Variants in ESYT1 observed in about 807,000 individuals in gnomAD.
ESYT1 encodes extended synaptotagmin 1, also known as extended synaptotagmin-1.
In ESYT1, 116 loss-of-function variants were observed where a neutral mutation model predicts 154.2. The observed-to-expected ratio is 0.75, with a 90% CI of 0.65 to 0.88. ESYT1 has a LOEUF of 0.88. ESYT1 is among the 40% of genes least tolerant of loss of function. ESYT1 has a pLI of 0.00. For missense variants in ESYT1, 1,264 were observed against 1,379.3 expected (o/e 0.92, Z 1.32); for synonymous variants, 500 against 539.9 (o/e 0.93, Z 1.02).
chr12:56,137,393 G>A lies in ESYT1; in HGVS notation c.1938+20G>A, dbSNP rs748489975. The A allele has an allele frequency of 1.2e-6, 2 of 1,614,070 alleles. No homozygotes were observed. Among genetic ancestry groups the A allele is most frequent in the South Asian group, 1.1e-5 (1 of 91,066 alleles). ...ACTGAGGTGAGTCTATATCTGGAAA[G>A]GACTAGGGTCTGTTTGCCCCGCTAA... On this transcript the variant is annotated intron_variant, in intron 17 of 30. Transcript: ENST00000394048.
In ESYT1 at chr12:56,142,675, C is replaced by T; in HGVS notation, c.2831C>T (p.Pro944Leu). 4 of 1,614,092 alleles carry T rather than the reference C, an allele frequency of 2.5e-6. No homozygotes were observed. Among genetic ancestry groups the T allele is most frequent in the Non-Finnish European group, 2.5e-6 (3 of 1,180,046 alleles). ...GAAGAACCAGAGCTCTCGGGGGGAC[C>T]CCCTCACATCACCTCCTCAGCCCCA... ...LSEEPELSGGPPHITSSAPEL... is the reference protein window; with the variant it reads ...LSEEPELSGGLPHITSSAPEL... The change falls in exon 26 of 31, where the codon CCC (proline) becomes CTC (leucine). Residue 944 changes from proline (P) to leucine (L), a missense_variant. Pro to Leu is a moderately conservative substitution (Grantham distance 98). Coordinates refer to ENST00000394048, the MANE Select transcript of ESYT1 (RefSeq NM_015292.3). This position sits in a 1 kb window ranked among gnomAD's most constrained non-coding sequence, Gnocchi z 4.1.
At position 56,131,046 on chromosome 12, in the gene ESYT1, C is replaced by G. The variant is rs773027543; in HGVS notation, c.574C>G (p.Arg192Gly). The change falls in exon 4 of 31, where the codon CGC becomes GGC. Residue 192 changes from arginine (R) to glycine (G), a missense_variant. By Grantham distance (125) the Arg-to-Gly change is moderately radical (BLOSUM62 -2). Transcript: ENST00000394048. ...TRVELGEKPL[R>G]IIGVKVHPGQ... Reference sequence around the variant, plus strand: ...GGAATTTCTCTCTCCCTAGCCATTGCGCATCATTGGAGTCAAGGTTCACCC... The same window carrying G: ...GGAATTTCTCTCTCCCTAGCCATTGGGCATCATTGGAGTCAAGGTTCACCC... 1.2e-6 allele frequency: 2 copies of G among 1,614,030 alleles called. No homozygotes were observed. Among genetic ancestry groups the G allele is most frequent in the Non-Finnish European group, 1.7e-6 (2 of 1,180,032 alleles).
chr12:56,132,070 T>TAGA (rs1215065962), intron 7 of ESYT1, 139 bp from the exon 8 acceptor site: 1 of 1,348,042 alleles, frequency 7.4e-7, no homozygotes, highest in East Asian at 2.3e-5. Flanking sequence ...GGAATTAGGG[T>TAGA]AGAAGAGTAG....
Position 56,131,582 on chromosome 12 carries a change from G to T in ESYT1, c.804+16G>T. 1.9e-6 allele frequency: 3 copies of T among 1,613,756 alleles called. No individual in the cohort carries two copies. Among genetic ancestry groups the T allele is most frequent in the Non-Finnish European group, 2.5e-6 (3 of 1,179,818 alleles). ...CCGACGCCCGGTAAGGGAAAACAAT[G>T]AAGGGGTATGGGGAAGCAGGAGAAA... On this transcript the variant is annotated intron_variant, in intron 6 of 30. Coordinates refer to ENST00000394048, the MANE Select transcript of ESYT1 (RefSeq NM_015292.3).
rs371024109 is a variant in ESYT1 at position 56,144,437 on chromosome 12, T to G, written c.*575T>G. On this transcript the variant is annotated 3_prime_UTR_variant, in exon 31 of 31. Transcript: ENST00000394048. Reference sequence around the variant, plus strand: ...ATGGCTGGGGCCAGTCTCTTGTCACTTTGGAAACTGAGGACGCGTGGATTC... The same window carrying G: ...ATGGCTGGGGCCAGTCTCTTGTCACGTTGGAAACTGAGGACGCGTGGATTC... The G allele has an allele frequency of 1.3e-4, 131 of 987,356 alleles. No homozygotes were observed. The African/African-American group carries it at 2.2e-3, about 17-fold the overall frequency. 61.2% of individuals were successfully genotyped at this position (987,356 alleles called of 1,614,324 possible). A position where few individuals can be genotyped will look rare whatever the true frequency, so the allele number is the denominator to read the frequency against.
Position 56,132,766 on chromosome 12 carries a change from C to T in ESYT1, c.1209C>T (p.Phe403=), listed in dbSNP as rs771849375. The change falls in exon 10 of 31, where the codon TTC becomes TTT. Residue 403 remains phenylalanine, a synonymous_variant. Coordinates refer to ENST00000394048, the MANE Select transcript of ESYT1 (RefSeq NM_015292.3). ...VPGQEIEVEV[F]DKDPDKDDFL... ...GGCAGGAGATTGAAGTGGAGGTGTT[C>T]GACAAGGATCCAGATAAAGATGACT... The T allele has an allele frequency of 1.1e-5, 18 of 1,613,918 alleles. No individual in the cohort carries two copies. The highest frequency in any genetic ancestry group is 1.6e-4 in the Middle Eastern group (1 of 6,074).
At chr12:56,134,024 A>AG (rs1428870301) in intron 13 of ESYT1, 86 bp from the exon 14 acceptor site, 1 of 1,570,876 alleles carries the variant, frequency 6.4e-7, no homozygotes, top group African/African-American at 1.4e-5. Context: ...TCTCAGGGAA[A>AG]GGATTCTGAT....
chr12:56,137,753 G>A, intron 18 of ESYT1, 78 bp downstream of exon 18: 1 of 1,610,826 alleles, frequency 6.2e-7, no homozygotes, highest in Non-Finnish European at 8.5e-7. Context: ...AAACCTCTGA[G>A]GTTCAGTTGA....
rs1870291911 is a variant in ESYT1 at position 56,132,747 on chromosome 12, A to T, written c.1190A>T (p.Glu397Val). 6.2e-7 allele frequency: 1 copy of T among 1,614,020 alleles called. No individual in the cohort carries two copies. Among genetic ancestry groups the T allele is most frequent in the Non-Finnish European group, 8.5e-7 (1 of 1,180,044 alleles). ...EVMVHEVPGQ[E>V]IEVEVFDKDP... ...ATGGTACACGAGGTCCCAGGGCAGG[A>T]GATTGAAGTGGAGGTGTTCGACAAG... The change falls in exon 10 of 31, where the codon GAG (glutamate) becomes GTG (valine). Residue 397 changes from glutamate to valine, a missense_variant. Transcript: ENST00000394048.
intron 24 of ESYT1, among the ~76,000 whole-genome samples, chr12:56,141,804 G>A (rs1040708207): frequency 1.3e-5 from 2 of 151,990 alleles, no homozygotes; most frequent in African/African-American, 4.8e-5. Context: ...CTCTGGTTAA[G>A]AAAGGAAGGA....
rs746804081 is a variant in ESYT1, at chr12:56,131,311, A to C, written c.709A>C (p.Met237Leu). ...TTTTTGCAAAGCAGGAGTCAAGGGC[A>C]TGCAGGTAGGCCAGATGTCAGGGGC... is the stretch of plus-strand genomic sequence containing the variant. ...KYFCKAGVKG[M>L]QLHGVLRVIL... Residue 237 changes from methionine to leucine, a missense_variant, in exon 5 of 31, where the codon ATG becomes CTG. Transcript: ENST00000394048. 1 of 1,614,226 alleles carries C rather than the reference A, an allele frequency of 6.2e-7. No homozygotes were observed. Among genetic ancestry groups the C allele is most frequent in the South Asian group, 1.1e-5 (1 of 91,092 alleles).
Position 56,134,401 on chromosome 12 carries a change from C to T in ESYT1, c.1605C>T (p.Asp535=). 6.2e-7 allele frequency: 1 copy of T among 1,614,148 alleles called. No individual in the cohort carries two copies. The highest frequency in any genetic ancestry group is 8.5e-7 in the Non-Finnish European group (1 of 1,180,028). ...WEEAFRFFLQ[D]PQSQELDVQV... ...AAGCGTTCCGGTTCTTCCTACAAGACCCTCAAAGCCAGGAGCTCGATGTGC... is the reference window on the plus strand; with the variant it reads ...AAGCGTTCCGGTTCTTCCTACAAGATCCTCAAAGCCAGGAGCTCGATGTGC... The change falls in exon 15 of 31, where the codon GAC becomes GAT. Residue 535 remains aspartate (D), a synonymous_variant. Transcript: ENST00000394048.
intron 28 of ESYT1, 31 bp downstream of exon 28, chr12:56,143,179 G>A: frequency 1.9e-6 from 3 of 1,614,088 alleles, no homozygotes; most frequent in Non-Finnish European, 2.5e-6. Context: ...GTGGAGAGAT[G>A]GCAGGCTTGG....
rs202041344 is a variant in ESYT1 at position 56,138,388 on chromosome 12, G to A, written c.2338-16G>A. 74 of 1,612,902 alleles carry A rather than the reference G, an allele frequency of 4.6e-5. No homozygotes were observed. The highest frequency in any genetic ancestry group is 5.5e-5 in the Non-Finnish European group (65 of 1,179,338). ...GTGTCAGTTACCACTCCCCAGCCCC[G>A]TGTGCCCCTCCACAGGTGCTGCAGG... is the stretch of plus-strand genomic sequence containing the variant. On this transcript the variant is annotated splice_polypyrimidine_tract_variant and intron_variant, in intron 21 of 30. Transcript: ENST00000394048.
chr12:56,138,113 T>C, intron 20 of ESYT1, 39 bp downstream of exon 20: 1 of 1,613,864 alleles, frequency 6.2e-7, no homozygotes, highest in Non-Finnish European at 8.5e-7. Flanking sequence ...CTCCTGATCC[T>C]GCCCAAGCTT....
rs755429291 is a variant in ESYT1 at position 56,132,429 on chromosome 12, T to G, written c.993T>G (p.Ile331Met). 3 of 1,614,162 alleles carry G rather than the reference T, an allele frequency of 1.9e-6. No homozygotes were observed. The Admixed American group carries it at 5.0e-5, about 27-fold the overall frequency. The change falls in exon 9 of 31, where the codon ATT becomes ATG. Residue 331 changes from isoleucine to methionine, a missense_variant. Coordinates refer to ENST00000394048, the MANE Select transcript of ESYT1 (RefSeq NM_015292.3). ...CTGATTCCTTCCTCCAGGGCATTATTCGAATTCACCTGCTGGCTGCTCGAG... is the reference window on the plus strand; with the variant it reads ...CTGATTCCTTCCTCCAGGGCATTATGCGAATTCACCTGCTGGCTGCTCGAG... ...QLRSPLPRGI[I>M]RIHLLAARGL...
intron 22 of ESYT1, 129 bp downstream of exon 22, chr12:56,138,628 GA>G: frequency 7.8e-7 from 1 of 1,287,096 alleles, no homozygotes; most frequent in Non-Finnish European, 1.1e-6. Flanking sequence ...GCAGGGGTGG[GA>G]AAAGTTGTCT....
rs1196656355 is a variant in ESYT1 at position 56,144,243 on chromosome 12, A to T, written c.*381A>T. On this transcript the variant is annotated 3_prime_UTR_variant, in exon 31 of 31. Coordinates refer to ENST00000394048, the MANE Select transcript of ESYT1 (RefSeq NM_015292.3). ...GAAGGATCTTTTTTTCTTTAACTAG[A>T]TGGTCACCTTCTTCCCTACCACACA... 1.8e-6 allele frequency: 2 copies of T among 1,102,524 alleles called. No individual in the cohort carries two copies. The highest frequency in any genetic ancestry group is 4.7e-5 in the Admixed American group (1 of 21,370). The allele number at this position is 1,102,524 out of a possible 1,614,324, so 68.3% of individuals were successfully genotyped here.
Position 56,132,594 on chromosome 12 carries a change from T to G in ESYT1, c.1158T>G (p.Tyr386Ter). The G allele has an allele frequency of 6.2e-7, 1 of 1,614,132 alleles. No individual in the cohort carries two copies. The change falls in exon 9 of 31, where the codon TAT (tyrosine) becomes TAG (stop). Residue 386 changes from tyrosine to a stop codon, truncating the protein, a stop_gained. Coordinates refer to ENST00000394048, the MANE Select transcript of ESYT1 (RefSeq NM_015292.3). LOFTEE classifies it high-confidence loss of function. ...EELNPQWGET[Y>*]EVMVHEVPGQ... ...TCAACCCACAGTGGGGAGAGACTTA[T>G]GAGGTGGGAGAGTTGAGCAGCTCTG...
Sources: gnomAD v4.1 joint callset for allele counts (sites outside exome capture counted in the v4.1 genomes callset) on GRCh38, gnomAD v4.1.1 for gene constraint, Gnocchi (gnomAD v3.1) non-coding constraint, MANE v1.5 for transcripts, NCBI Gene and HGNC (gene_info 2026-07-23, HGNC 2026-07-21) for gene names.